The following OARD1 variants were observed in gnomAD, a reference collection of about 807,000 sequenced individuals.
OARD1 encodes ADP-ribose glycohydrolase OARD1.
Under a neutral mutation model 19.7 loss-of-function variants are expected in OARD1, and 19 were observed. The observed-to-expected ratio is 0.96, with a 90% CI of 0.67 to 1.41. The LOEUF is 1.41. Ranked by LOEUF, OARD1 falls within the 40% of genes most tolerant of loss-of-function variation. The probability of loss-of-function intolerance (pLI) is 0.00; values close to 1 mark genes in which losing one functional copy is unlikely to be tolerated. For missense variants in OARD1, 190 were observed against 183.8 expected (o/e 1.03, Z -0.20); for synonymous variants, 70 against 61.8 (o/e 1.13, Z -0.62).
intron 1 of OARD1, chr6:41,092,786 C>T: frequency 1.1e-6 from 1 of 879,434 alleles, no homozygotes; most frequent in Non-Finnish European, 1.7e-6. Flanking sequence ...TCCGCATTTA[C>T]CCAAGTACCC....
At chr6:41,069,069 C>T (rs1314096432) in intron 4 of OARD1, 116 bp from the exon 5 acceptor site, 2 of 584,596 alleles carry the variant, frequency 3.4e-6, no homozygotes, top group Non-Finnish European at 5.9e-6. Flanking sequence ...TAGAATTAGT[C>T]TAGAGCAAGG....
At chr6:41,075,626 T>C (rs1036450832), upstream of OARD1, 2 of 152,124 alleles carry the variant, frequency 1.3e-5, no homozygotes, top group Non-Finnish European at 2.9e-5. Flanking sequence ...TGATTTGTAG[T>C]ACTTCACCTT....
At chr6:41,069,048 G>T in intron 4 of OARD1, 95 bp from the exon 5 acceptor site, 2 of 638,580 alleles carry the variant, frequency 3.1e-6, no homozygotes, top group African/African-American at 1.9e-5. Context: ...AAAAGAGTAA[G>T]CACATTTTTA....
chr6:41,081,840 T>C (rs958077444), intron 1 of OARD1, among the ~76,000 whole-genome samples: 2 of 152,230 alleles, frequency 1.3e-5, no homozygotes, highest in Non-Finnish European at 1.5e-5. Context: ...TCTGTAAGTC[T>C]TAGGTGTTAA....
At chr6:41,087,511 A>C (rs923592544) in intron 1 of OARD1, among the ~76,000 whole-genome samples, 3 of 152,206 alleles carry the variant, frequency 2.0e-5, no homozygotes, top group Admixed American at 2.0e-4. Flanking sequence ...TTCTGAAAGT[A>C]TCCTCCTTCC....
intron 5 of OARD1, 41 bp from the exon 6 acceptor site, chr6:41,067,478 A>G: frequency 7.3e-7 from 1 of 1,369,218 alleles, no homozygotes; most frequent in Non-Finnish European, 1.0e-6. Context: ...TAACGAAAGT[A>G]TCTAGGAAAC....
In OARD1 at chr6:41,067,429, C is replaced by T. The variant is rs1233970852; in HGVS notation, c.365G>A (p.Cys122Tyr). 3 of 1,611,532 alleles carry T rather than the reference C, an allele frequency of 1.9e-6. No individual in the cohort carries two copies. Among genetic ancestry groups the T allele is most frequent in the African/African-American group, 2.7e-5 (2 of 74,860 alleles). ...TTCCCATTGCAGACGATCAAGACCACATCCAATCCTGAAAAAGACAAAATA... is the reference window on the plus strand; with the variant it reads ...TTCCCATTGCAGACGATCAAGACCATATCCAATCCTGAAAAAGACAAAATA... ...VTDLSMPRIG[C>Y]GLDRLQWENV... The change falls in exon 6 of 6, where the codon TGT becomes TAT. Residue 122 changes from cysteine to tyrosine, a missense_variant. By Grantham distance (194) the Cys-to-Tyr change is radical. Coordinates refer to ENST00000424266, the MANE Select transcript of OARD1 (RefSeq NM_001329686.2).
chr6:41,080,728 C>T, intron 1 of OARD1: 1 of 1,156,398 alleles, frequency 8.6e-7, no homozygotes, highest in Admixed American at 1.8e-5. Context: ...CGTCTCTCTC[C>T]TCCAAGAGGT....
chr6:41,091,758 C>T (rs554601331), intron 1 of OARD1: 1 of 1,568,476 alleles, frequency 6.4e-7, no homozygotes, highest in South Asian at 1.2e-5. Flanking sequence ...TTGATGCCTC[C>T]TAAAATTTAT....
Position 41,067,148 on chromosome 6 carries a change from A to G in OARD1, c.*187T>C, listed in dbSNP as rs1011375498. The G allele has an allele frequency of 1.0e-5, 4 of 387,160 alleles. No individual in the cohort carries two copies. The highest frequency in any genetic ancestry group is 6.1e-5 in the African/African-American group (3 of 48,936). 24.0% of individuals were successfully genotyped at this position (387,160 alleles called of 1,614,324 possible). A position where few individuals can be genotyped will look rare whatever the true frequency, so the allele number is the denominator to read the frequency against. ...TTTCCACAAAAAAACACAACCACATATCTTAAGCAAGCCCTCCTCCACAGT... is the reference window on the plus strand; with the variant it reads ...TTTCCACAAAAAAACACAACCACATGTCTTAAGCAAGCCCTCCTCCACAGT... On this transcript the variant is annotated 3_prime_UTR_variant, in exon 6 of 6. Transcript: ENST00000424266.
chr6:41,067,314 A>G lies in OARD1; in HGVS notation c.*21T>C. On this transcript the variant is annotated 3_prime_UTR_variant, in exon 6 of 6. Coordinates refer to ENST00000424266, the MANE Select transcript of OARD1 (RefSeq NM_001329686.2). ...AGAGATGACACAGGAGAACACGGAA[A>G]CATCCAAAATGTTCACTGGTTCAGA... 2 of 1,520,978 alleles carry G rather than the reference A, an allele frequency of 1.3e-6. No homozygotes were observed. The highest frequency in any genetic ancestry group is 1.8e-6 in the Non-Finnish European group (2 of 1,096,802). The allele number at this position is 1,520,978 out of a possible 1,614,324, so 94.2% of individuals were successfully genotyped here. A position where few individuals can be genotyped will look rare whatever the true frequency, so the allele number is the denominator to read the frequency against.
intron 1 of OARD1, chr6:41,089,674 G>A: frequency 6.2e-7 from 1 of 1,612,754 alleles, no homozygotes; most frequent in African/African-American, 1.3e-5. Flanking sequence ...TCATCATCCA[G>A]CAGCCCCAGA....
At chr6:41,077,176 G>T (rs1489065198), upstream of OARD1, among the ~76,000 whole-genome samples, 2 of 152,124 alleles carry the variant, frequency 1.3e-5, no homozygotes, top group African/African-American at 4.8e-5. Flanking sequence ...TTGGGGAGGC[G>T]TTGAAACCTA....
intron 1 of OARD1, among the ~76,000 whole-genome samples, chr6:41,080,321 T>C (rs1763871136): frequency 6.6e-6 from 1 of 151,954 alleles, no homozygotes; most frequent in Non-Finnish European, 1.5e-5. Flanking sequence ...AAAAAAAGAA[T>C]CTTAGTTTTG....
At chr6:41,069,936 T>C (rs545150811) in intron 4 of OARD1, 140 bp downstream of exon 4, 245 of 739,092 alleles carry the variant, frequency 3.3e-4, no homozygotes, top group South Asian at 5.1e-4. Context: ...TGTCATAAGA[T>C]AGGAAGCTTT....
rs759274647 is a variant in OARD1 at position 41,067,311 on chromosome 6, G to A, written c.*24C>T. On this transcript the variant is annotated 3_prime_UTR_variant, in exon 6 of 6. Transcript: ENST00000424266. The stretch of plus-strand genomic sequence containing the variant: ...AGTAGAGATGACACAGGAGAACACG[G>A]AAACATCCAAAATGTTCACTGGTTC... 7 of 1,509,572 alleles carry A rather than the reference G, an allele frequency of 4.6e-6. No homozygotes were observed. In the Admixed American group the frequency reaches 8.4e-5, roughly 18 times the overall value. The allele number at this position is 1,509,572 out of a possible 1,614,324, so 93.5% of individuals were successfully genotyped here.
At chr6:41,094,283 T>C in intron 1 of OARD1, 1 of 828,964 alleles carries the variant, frequency 1.2e-6, no homozygotes, top group East Asian at 2.6e-5. Flanking sequence ...TAATTGTCCC[T>C]TGTGACTTTG....
rs923635694 is a variant in OARD1, at chr6:41,071,140, A to C, written c.176T>G (p.Leu59Ter). 1.9e-6 allele frequency: 3 copies of C among 1,614,106 alleles called. No homozygotes were observed. The highest frequency in any genetic ancestry group is 2.5e-6 in the Non-Finnish European group (3 of 1,180,024). The change falls in exon 3 of 6, where the codon TTA becomes TGA. Residue 59 changes from leucine (L) to a stop codon, truncating the protein, a stop_gained. Coordinates refer to ENST00000424266, the MANE Select transcript of OARD1 (RefSeq NM_001329686.2). LOFTEE classifies it high-confidence loss of function. ...KKKFGGVQEL[L>*]NQQKKSGEVA... ...TGGTTTCCAAAACTCACGTTGATTT[A>C]AAAGTTCTTGCACCCCTCCAAATTT...
At chr6:41,094,174 T>A (rs1407261247) in intron 1 of OARD1, among the ~76,000 whole-genome samples, 1 of 152,194 alleles carries the variant, frequency 6.6e-6, no homozygotes, top group African/African-American at 2.4e-5. Context: ...TAAAAAAAAT[T>A]CATACTATAA....
Sources: allele counts gnomAD v4.1 joint callset (sites outside exome capture counted in the v4.1 genomes callset), GRCh38; gene constraint gnomAD v4.1.1; transcripts MANE v1.5; gene names NCBI Gene and HGNC (gene_info 2026-07-23, HGNC 2026-07-21).